The following ARIH2 variants were observed in gnomAD, a reference collection of about 807,000 sequenced individuals.
ARIH2 encodes E3 ubiquitin-protein ligase ARIH2.
A neutral mutation model predicts 79.8 loss-of-function variants in ARIH2; 12 were observed. That is an observed-to-expected ratio of 0.15 (90% confidence interval 0.10 to 0.24). The LOEUF (loss-of-function observed/expected upper bound fraction) is 0.24, where lower values mean the gene tolerates loss of function less well. ARIH2 is among the 10% of genes least tolerant of loss of function. The pLI, the probability that ARIH2 is intolerant of heterozygous loss-of-function variation, is 1.00. For missense variants in ARIH2, 301 were observed against 618.3 expected (o/e 0.49, Z 5.44); for synonymous variants, 224 against 213.9 (o/e 1.05, Z -0.41).
chr3:48,927,687 CA>C lies in ARIH2; in HGVS notation c.130del (p.Ser44AlafsTer21). On this transcript the variant is annotated frameshift_variant, in exon 3 of 16. Coordinates refer to ENST00000356401, the MANE Select transcript of ARIH2 (RefSeq NM_006321.4). LOFTEE classifies it high-confidence loss of function. Reference protein sequence around the residue: ...DIEDYYVGVASDVEQQGADAF... With the variant: ...DIEDYYVGVAXDVEQQGADAF... The stretch of plus-strand genomic sequence containing the variant: ...TAGAGGACTATTACGTGGGAGTAGC[CA>C]GCGATGTGGAGCAGCAGGGGGCTGA... 1 of 1,614,100 alleles carries C rather than the reference CA, an allele frequency of 6.2e-7. No individual in the cohort carries two copies. The highest frequency in any genetic ancestry group is 2.2e-5 in the East Asian group (1 of 44,882).
intron 3 of ARIH2, among the ~76,000 whole-genome samples, chr3:48,954,626 A>G (rs1344115046): frequency 6.6e-6 from 1 of 152,076 alleles, no homozygotes; most frequent in Non-Finnish European, 1.5e-5. Context: ...ATGACTGTCA[A>G]AGAGATTCCA....
At chr3:48,968,325 A>T in intron 6 of ARIH2, 1 of 358,606 alleles carries the variant, frequency 2.8e-6, no homozygotes, top group Non-Finnish European at 5.4e-6. Flanking sequence ...CTCCTGCCCC[A>T]GCCTCCCAAG....
chr3:48,940,808 A>AAAAAATAT (rs759369585), intron 3 of ARIH2, among the ~76,000 whole-genome samples: 45 of 98,052 alleles, frequency 4.6e-4, no homozygotes, highest in African/African-American at 1.1e-3. Flanking sequence ...AAAAAAAAAA[A>AAAAAATAT]ATATATATAT....
At chr3:48,951,952 C>T (rs2090013271) in intron 3 of ARIH2, among the ~76,000 whole-genome samples, 2 of 152,008 alleles carry the variant, frequency 1.3e-5, no homozygotes, top group African/African-American at 4.8e-5. Context: ...TTCGTTTTAA[C>T]TTAGTCATCT....
At chr3:48,959,716 A>C (rs2091050774) in intron 3 of ARIH2, among the ~76,000 whole-genome samples, 1 of 150,672 alleles carries the variant, frequency 6.6e-6, no homozygotes, top group Non-Finnish European at 1.5e-5. Context: ...GTCAGATGCC[A>C]CTTACCTTGG....
At chr3:48,926,376 T>C (rs985678893) in intron 2 of ARIH2, among the ~76,000 whole-genome samples, 1 of 151,972 alleles carries the variant, frequency 6.6e-6, no homozygotes, top group South Asian at 2.1e-4. Context: ...CAAGCGTTTC[T>C]CCTGTCTTAG....
intron 3 of ARIH2, among the ~76,000 whole-genome samples, chr3:48,961,234 T>C (rs1189607210): frequency 6.6e-6 from 1 of 152,210 alleles, no homozygotes; most frequent in Non-Finnish European, 1.5e-5. Context: ...ACTAGAGATG[T>C]GCTTCCGGCG....
chr3:48,928,924 T>G (rs1361693615), intron 3 of ARIH2, among the ~76,000 whole-genome samples: 1 of 152,070 alleles, frequency 6.6e-6, no homozygotes, highest in Non-Finnish European at 1.5e-5. Context: ...CTATGGATCC[T>G]CTGGGTTTGG....
At chr3:48,945,737 T>C (rs1226848039) in intron 3 of ARIH2, among the ~76,000 whole-genome samples, 2 of 152,118 alleles carry the variant, frequency 1.3e-5, no homozygotes, top group African/African-American at 4.8e-5. Flanking sequence ...AATCAGAAAA[T>C]AAGTTTGTGG....
Position 48,968,496 on chromosome 3 carries a change from A to C in ARIH2, c.539-38A>C, listed in dbSNP as rs374971819. On this transcript the variant is annotated intron_variant, in intron 6 of 15. Coordinates refer to ENST00000356401, the MANE Select transcript of ARIH2 (RefSeq NM_006321.4). ...AGTGCTGGGATTACAGGCATGAGCT[A>C]TCGCACCTGGCCCCATCAGGTTGTT... 5.7e-4 allele frequency: 901 copies of C among 1,593,146 alleles called. 7 individuals are homozygous for C. The African/African-American group carries it at 0.01, about 19-fold the overall frequency.
chr3:48,984,340 A>C lies in ARIH2; in HGVS notation c.*1070A>C, dbSNP rs143241623. On this transcript the variant is annotated 3_prime_UTR_variant, in exon 16 of 16. Transcript: ENST00000356401. ...CTGGCATGGGGGCTGTGTTTGCACAAGTTATTTTCATGTTACCTGGAGAGT... is the reference window on the plus strand; with the variant it reads ...CTGGCATGGGGGCTGTGTTTGCACACGTTATTTTCATGTTACCTGGAGAGT... 6.6e-6 allele frequency: 1 copy of C among 152,622 alleles called. No homozygotes were observed. Among genetic ancestry groups the C allele is most frequent in the African/African-American group, 2.4e-5 (1 of 41,424 alleles). The allele number at this position is 152,622 out of a possible 1,614,324, so 9.5% of individuals were successfully genotyped here.
intron 14 of ARIH2, 71 bp from the exon 15 acceptor site, chr3:48,982,825 C>T: frequency 2.7e-6 from 3 of 1,121,962 alleles, no homozygotes; most frequent in Non-Finnish European, 4.1e-6. Flanking sequence ...TGCATGTGCC[C>T]ACCCCCGTGT....
intron 3 of ARIH2, among the ~76,000 whole-genome samples, chr3:48,938,628 G>A (rs898808163): frequency 6.6e-6 from 1 of 152,116 alleles, no homozygotes; most frequent in Non-Finnish European, 1.5e-5. Flanking sequence ...TATTAAAGGG[G>A]TTAAAGTAAA....
At chr3:48,928,729 G>A (rs1172828503) in intron 3 of ARIH2, among the ~76,000 whole-genome samples, 1 of 151,608 alleles carries the variant, frequency 6.6e-6, no homozygotes, top group South Asian at 2.1e-4. Flanking sequence ...CTAGTTTAGG[G>A]ATTTTTTTTT....
At position 48,983,928 on chromosome 3, in the gene ARIH2, T is replaced by G. The variant is rs563612081; in HGVS notation, c.*658T>G. The G allele has an allele frequency of 1.3e-5, 2 of 152,602 alleles. No individual in the cohort carries two copies. The highest frequency in any genetic ancestry group is 4.8e-5 in the African/African-American group (2 of 41,560). The allele number at this position is 152,602 out of a possible 1,614,324, so 9.5% of individuals were successfully genotyped here. A position where few individuals can be genotyped will look rare whatever the true frequency, so the allele number is the denominator to read the frequency against. ...TACGGAGACAGTCCAGAACATGGTC[T>G]TCTTGCCACGGGGTGTTGTTGTCTC... On this transcript the variant is annotated 3_prime_UTR_variant, in exon 16 of 16. Transcript: ENST00000356401.
chr3:48,918,891 C>A lies in ARIH2; in HGVS notation c.-269C>A. On this transcript the variant is annotated 5_prime_UTR_variant, in exon 1 of 16. Transcript: ENST00000356401. The stretch of plus-strand genomic sequence containing the variant: ...GAGGAAGCAGCGCGGGCTTGACCGG[C>A]GTCGGCCCGCCGCCTCCGCTGCCGC... 6.2e-7 allele frequency: 1 copy of A among 1,603,456 alleles called. No individual in the cohort carries two copies. Among genetic ancestry groups the A allele is most frequent in the South Asian group, 1.1e-5 (1 of 90,524 alleles).
intron 11 of ARIH2, among the ~76,000 whole-genome samples, chr3:48,979,240 C>T (rs750141480): frequency 6.6e-6 from 1 of 152,198 alleles, no homozygotes; most frequent in Non-Finnish European, 1.5e-5. Context: ...GCGCATGGCA[C>T]ATGTGCTCAT....
chr3:48,958,536 C>A (rs929282295), intron 3 of ARIH2, among the ~76,000 whole-genome samples: 3 of 151,858 alleles, frequency 2.0e-5, no homozygotes, highest in Non-Finnish European at 4.4e-5. Flanking sequence ...ATGGTGAAAC[C>A]CTGTCTTTAC....
intron 3 of ARIH2, among the ~76,000 whole-genome samples, chr3:48,946,097 CT>C (rs1211686257): frequency 6.6e-6 from 1 of 152,104 alleles, no homozygotes; most frequent in Admixed American, 6.5e-5. Flanking sequence ...GATTTGCATG[CT>C]GCTAACCACG....
Sources: allele counts gnomAD v4.1 joint callset (sites outside exome capture counted in the v4.1 genomes callset), GRCh38; gene constraint gnomAD v4.1.1; transcripts MANE v1.5; gene names NCBI Gene and HGNC (gene_info 2026-07-23, HGNC 2026-07-21).